Variants in BCL9 observed in about 807,000 individuals in gnomAD.
BCL9 encodes B-cell CLL/lymphoma 9 protein.
BCL9 carries 25 observed loss-of-function variants against 88.5 expected under a neutral mutation model. The observed-to-expected ratio is 0.28, with a 90% CI of 0.21 to 0.39. The LOEUF (loss-of-function observed/expected upper bound fraction) is 0.39. Among genes scored for constraint, BCL9 ranks in the 10% least tolerant of loss-of-function variants. BCL9 has a pLI of 1.00. For synonymous variants in BCL9, 711 were observed against 673.3 expected (o/e 1.06, Z -0.87); for missense variants, 1,817 against 1,877.8 (o/e 0.97, Z 0.60).
At chr1:147,583,417 A>G (rs1360668312) in intron 1 of BCL9, among the ~76,000 whole-genome samples, 1 of 151,894 alleles carries the variant, frequency 6.6e-6, no homozygotes, top group Non-Finnish European at 1.5e-5. Context: ...AGCTGGGATT[A>G]TAAGCATGCA....
At position 147,624,322 on chromosome 1, in the gene BCL9, T is replaced by G; in HGVS notation, c.3644T>G (p.Phe1215Cys). The G allele has an allele frequency of 6.2e-7, 1 of 1,614,104 alleles. No individual in the cohort carries two copies. ...CTGGGGAACAGCATGCCTTCGGTGT[T>G]TACAGACCCAGATCTGCAGGAGGTC... ...TVLGNSMPSV[F>C]TDPDLQEVIR... The change falls in exon 10 of 10, where the codon TTT becomes TGT. Residue 1215 changes from phenylalanine to cysteine, a missense_variant. By Grantham distance (205) the Phe-to-Cys change is radical. Coordinates refer to ENST00000234739, the MANE Select transcript of BCL9 (RefSeq NM_004326.4). This position sits in a 1 kb window ranked among gnomAD's most constrained non-coding sequence, Gnocchi z 4.4.
chr1:147,595,065 G>GT (rs1656989490), intron 1 of BCL9, among the ~76,000 whole-genome samples: 1 of 152,158 alleles, frequency 6.6e-6, no homozygotes, highest in Non-Finnish European at 1.5e-5. Flanking sequence ...AGAATTTGGA[G>GT]TAATTGCTGT....
Position 147,545,527 on chromosome 1 carries a change from C to T in BCL9, c.-478+3853C>T, listed in dbSNP as rs147506136. On this transcript the variant is annotated intron_variant, in intron 1 of 9. Transcript: ENST00000234739. ...CAGTGATAACAGGTCATCTTTAACT[C>T]TGGGGGAAGAAAACTGAAGACTGTT... 2.3e-3 allele frequency among the ~76,000 whole-genome samples: 355 copies of T among 152,260 alleles called. 2 individuals carry two copies. The highest frequency in any genetic ancestry group is 8.1e-3 in the African/African-American group (335 of 41,534).
intron 7 of BCL9, 21 bp downstream of exon 7, chr1:147,615,923 A>G: frequency 6.3e-7 from 1 of 1,583,628 alleles, no homozygotes; most frequent in Non-Finnish European, 8.7e-7. Context: ...TCAGAAACTG[A>G]GTAATGGTTT....
At chr1:147,595,343 G>T (rs1274081200) in intron 1 of BCL9, among the ~76,000 whole-genome samples, 1 of 152,220 alleles carries the variant, frequency 6.6e-6, no homozygotes, top group Non-Finnish European at 1.5e-5. Flanking sequence ...AACCACAAAG[G>T]TGAAATCAAG....
At chr1:147,592,388 T>C (rs1553200007) in intron 1 of BCL9, among the ~76,000 whole-genome samples, 1 of 152,220 alleles carries the variant, frequency 6.6e-6, no homozygotes, top group Non-Finnish European at 1.5e-5. Flanking sequence ...CTATCTTGAA[T>C]TTCTGGGGAG....
chr1:147,615,707 C>T (rs587754181), intron 6 of BCL9, 96 bp from the exon 7 acceptor site: 5 of 869,032 alleles, frequency 5.8e-6, no homozygotes, highest in Non-Finnish European at 7.3e-6. Flanking sequence ...TCCTTCCTCT[C>T]CCTTACAAGT....
chr1:147,562,897 G>A (rs1430224269), intron 1 of BCL9, among the ~76,000 whole-genome samples: 3 of 152,212 alleles, frequency 2.0e-5, no homozygotes, highest in Non-Finnish European at 1.5e-5. Context: ...CCATGGCGTG[G>A]TGGAAGCCCT....
chr1:147,576,447 A>C (rs1234513715), intron 1 of BCL9, among the ~76,000 whole-genome samples: 1 of 152,346 alleles, frequency 6.6e-6, no homozygotes, highest in East Asian at 1.9e-4. Context: ...TTCACTTTTC[A>C]GTTTAAGCAA....
chr1:147,624,465 C>T lies in BCL9; in HGVS notation c.3787C>T (p.Pro1263Ser). The change falls in exon 10 of 10, where the codon CCC becomes TCC. Residue 1263 changes from proline to serine, a missense_variant. By Grantham distance (74) the Pro-to-Ser change is moderately conservative (BLOSUM62 -1). Coordinates refer to ENST00000234739, the MANE Select transcript of BCL9 (RefSeq NM_004326.4). The surrounding 1 kb of genome is among the most constrained non-coding windows in gnomAD (Gnocchi z 4.4). ...AGGGGAAGTTCCAGGCCGTAAACAG[C>T]CCCAGGGTCCTGGACCTGGGTTTTC... ...PRGEVPGRKQ[P>S]QGPGPGFSHM... 6.2e-7 allele frequency: 1 copy of T among 1,614,214 alleles called. No individual in the cohort carries two copies. Among genetic ancestry groups the T allele is most frequent in the Non-Finnish European group, 8.5e-7 (1 of 1,180,022 alleles).
In BCL9 at chr1:147,619,507, A is replaced by G; in HGVS notation, c.1352A>G (p.Asn451Ser). 6.2e-7 allele frequency: 1 copy of G among 1,614,024 alleles called. No individual in the cohort carries two copies. The highest frequency in any genetic ancestry group is 8.5e-7 in the Non-Finnish European group (1 of 1,179,988). Residue 451 changes from asparagine (N) to serine (S), a missense_variant, in exon 8 of 10, where the codon AAC (asparagine) becomes AGC (serine). This residue lies in a region of BCL9 where 1,228 missense variants were observed against 1,191.6 expected (regional missense o/e 1.03). Coordinates refer to ENST00000234739, the MANE Select transcript of BCL9 (RefSeq NM_004326.4). The surrounding 1 kb of genome is among the most constrained non-coding windows in gnomAD (Gnocchi z 4.1). ...GATGAAATGGTTCCACCTTCTATGA[A>G]CTCCCAGTCTGGGACCATAGGACCC... is the stretch of plus-strand genomic sequence containing the variant. ...SPDEMVPPSM[N>S]SQSGTIGPDH...
At position 147,624,897 on chromosome 1, in the gene BCL9, G is replaced by A. The variant is rs1553206318; in HGVS notation, c.4219G>A (p.Ala1407Thr). The change falls in exon 10 of 10, where the codon GCT becomes ACT. Residue 1407 changes from alanine (A) to threonine (T), a missense_variant. By Grantham distance (58) the Ala-to-Thr change is moderately conservative. Transcript: ENST00000234739. This position sits in a 1 kb window ranked among gnomAD's most constrained non-coding sequence, Gnocchi z 4.4. ...PPQMRPRGMA[A>T]DVGMGGFSQG... Reference sequence around the variant, plus strand: ...ACAGATGAGGCCCCGGGGCATGGCTGCTGACGTGGGCATGGGTGGATTTAG... The same window carrying A: ...ACAGATGAGGCCCCGGGGCATGGCTACTGACGTGGGCATGGGTGGATTTAG... The A allele has an allele frequency of 6.2e-7, 1 of 1,613,992 alleles. No homozygotes were observed. Among genetic ancestry groups the A allele is most frequent in the Admixed American group, 1.7e-5 (1 of 60,028 alleles).
At chr1:147,593,997 T>A (rs1351944269) in intron 1 of BCL9, among the ~76,000 whole-genome samples, 7 of 152,326 alleles carry the variant, frequency 4.6e-5, no homozygotes, top group African/African-American at 1.7e-4. Context: ...TAGTTTAATA[T>A]CTAAACCCAG....
At chr1:147,600,195 C>G (rs1259195473) in intron 1 of BCL9, 5 of 161,372 alleles carry the variant, frequency 3.1e-5, no homozygotes, top group Non-Finnish European at 6.6e-5. Flanking sequence ...GACGGCGCCG[C>G]CGCCGCCGCT....
At chr1:147,567,182 A>G (rs1553196822) in intron 1 of BCL9, among the ~76,000 whole-genome samples, 1 of 152,186 alleles carries the variant, frequency 6.6e-6, no homozygotes, top group African/African-American at 2.4e-5. Flanking sequence ...CCTTCTGCTG[A>G]CACACACATA....
intron 1 of BCL9, among the ~76,000 whole-genome samples, chr1:147,586,263 GT>G (rs1482564978): frequency 2.6e-5 from 4 of 151,912 alleles, no homozygotes; most frequent in Non-Finnish European, 4.4e-5. Flanking sequence ...TCTTACATCT[GT>G]CCCTTCCCTA....
chr1:147,572,043 T>C (rs587698191), intron 1 of BCL9, among the ~76,000 whole-genome samples: 8 of 150,984 alleles, frequency 5.3e-5, no homozygotes, highest in Non-Finnish European at 1.2e-4. Context: ...ATCGAGACCA[T>C]CCTGGCTAAC....
intron 1 of BCL9, among the ~76,000 whole-genome samples, chr1:147,584,953 A>G (rs1290604197): frequency 6.6e-6 from 1 of 152,188 alleles, no homozygotes; most frequent in Non-Finnish European, 1.5e-5. Flanking sequence ...AAATAGCATC[A>G]ACCGGCATAA....
At chr1:147,570,835 A>G (rs1655854237) in intron 1 of BCL9, among the ~76,000 whole-genome samples, 1 of 151,770 alleles carries the variant, frequency 6.6e-6, no homozygotes, top group Non-Finnish European at 1.5e-5. Context: ...GGGTTTCTCC[A>G]TGTTGGTCAG....
Sources: gnomAD v4.1 joint callset for allele counts (sites outside exome capture counted in the v4.1 genomes callset) on GRCh38, gnomAD v4.1.1 for gene constraint, gnomAD v4.1.1 regional missense constraint, Gnocchi (gnomAD v3.1) non-coding constraint, MANE v1.5 for transcripts, NCBI Gene and HGNC (gene_info 2026-07-23, HGNC 2026-07-21) for gene names.